The following SLC35A2 variants were observed in gnomAD, a reference collection of about 807,000 sequenced individuals.
The protein encoded by SLC35A2 is UDP-galactose translocator.
Under a neutral mutation model 17.3 loss-of-function variants are expected in SLC35A2, and 1 was observed. That is an observed-to-expected ratio of 0.06 (90% confidence interval 0.02 to 0.27). SLC35A2 has a LOEUF of 0.27. SLC35A2 is among the 10% of genes least tolerant of loss of function. The pLI is 1.00. For synonymous variants in SLC35A2, 161 were observed against 161.3 expected, an observed-to-expected ratio of 1.00 and a Z score of 0.01; for missense variants, 191 against 339.3, an observed-to-expected ratio of 0.56 and a Z score of 3.43.
chrX:48,911,604 C>T lies in SLC35A2; in HGVS notation c.33G>A (p.Ala11=). 1 of 1,164,448 alleles carries T rather than the reference C, an allele frequency of 8.6e-7. No individual in the cohort carries two copies. The highest frequency in any genetic ancestry group is 1.1e-6 in the Non-Finnish European group (1 of 874,798). Residue 11 remains alanine (A), a synonymous_variant, in exon 1 of 5, where the codon GCG becomes GCA. Coordinates refer to ENST00000247138, the MANE Select transcript of SLC35A2 (RefSeq NM_005660.3). MAAVGAGGST[A]APGPGAVSAG... ...CGGAAACCGCCCCTGGCCCGGGCGC[C>T]GCGGTGGAACCACCAGCCCCAACCG...
intron 2 of SLC35A2, among the ~76,000 whole-genome samples, chrX:48,908,549 C>G (rs1557043453): frequency 7.2e-5 from 8 of 111,762 alleles, no homozygotes. Flanking sequence ...TCTCCAAACT[C>G]GAATTCAGGG....
At chrX:48,908,098 C>A (rs1036960286) in intron 2 of SLC35A2, among the ~76,000 whole-genome samples, 18 of 85,574 alleles carry the variant, frequency 2.1e-4, no homozygotes, top group African/African-American at 7.2e-4. Flanking sequence ...CACTTTTTGG[C>A]AGTTCATCTT....
rs11797340 is a variant in SLC35A2 at position 48,909,218 on chromosome X, C to T, written c.274+596G>A. On this transcript the variant is annotated intron_variant, in intron 2 of 4. Coordinates refer to ENST00000247138, the MANE Select transcript of SLC35A2 (RefSeq NM_005660.3). ...TGGGCGGATCACGAGGTCAGGAGTT[C>T]GAGACCATCCTGGCTAACATGGTGA... 4.3e-3 allele frequency among the ~76,000 whole-genome samples: 482 copies of T among 112,228 alleles called. 3 individuals carry two copies. The highest frequency in any genetic ancestry group is 7.2e-3 in the Non-Finnish European group (381 of 53,218).
intron 4 of SLC35A2, 32 bp from the exon 5 acceptor site, chrX:48,903,497 C>T (rs1412299194): frequency 1.8e-6 from 1 of 570,603 alleles, no homozygotes; most frequent in Non-Finnish European, 3.2e-6. Context: ...AAGAAAAACA[C>T]AAAGCTGGGC....
chrX:48,911,852 T>C, upstream of SLC35A2: 1 of 1,167,430 alleles, frequency 8.6e-7, no homozygotes, highest in Non-Finnish European at 1.1e-6. Flanking sequence ...CCGATCGGCC[T>C]ACCCACCATC....
chrX:48,905,540 T>C, intron 3 of SLC35A2, 58 bp from the exon 4 acceptor site: 1 of 1,050,676 alleles, frequency 9.5e-7, no homozygotes, highest in Non-Finnish European at 1.3e-6. Context: ...CAGGTGCACA[T>C]GGGGGGCAGC....
chrX:48,906,383 G>C lies in SLC35A2; in HGVS notation c.426+9C>G. Reference sequence around the variant, plus strand: ...GTTCCTCTGGGGCCATGCTGGGCTTGGGGCTCACCTGGAAAGTGGCAGCTG... The same window carrying C: ...GTTCCTCTGGGGCCATGCTGGGCTTCGGGCTCACCTGGAAAGTGGCAGCTG... On this transcript the variant is annotated intron_variant, in intron 3 of 4. Transcript: ENST00000247138. The C allele has an allele frequency of 8.3e-7, 1 of 1,208,824 alleles. No individual in the cohort carries two copies. Among genetic ancestry groups the C allele is most frequent in the Non-Finnish European group, 1.1e-6 (1 of 893,284 alleles).
At chrX:48,909,683 T>C in intron 2 of SLC35A2, 131 bp downstream of exon 2, 1 of 570,485 alleles carries the variant, frequency 1.8e-6, no homozygotes, top group Non-Finnish European at 2.8e-6. Context: ...CCGCTACGCA[T>C]AGCTGGAGTG....
At chrX:48,908,207 C>T (rs2063505549) in intron 2 of SLC35A2, among the ~76,000 whole-genome samples, 1 of 105,883 alleles carries the variant, frequency 9.4e-6, no homozygotes, top group South Asian at 4.4e-4. Flanking sequence ...CCTCTGCCTC[C>T]CGGGTTCAAG....
At position 48,911,605 on chromosome X, in the gene SLC35A2, G is replaced by A; in HGVS notation, c.32C>T (p.Ala11Val). The A allele has an allele frequency of 8.6e-7, 1 of 1,164,415 alleles. No individual in the cohort carries two copies. The highest frequency in any genetic ancestry group is 1.1e-6 in the Non-Finnish European group (1 of 874,812). MAAVGAGGST[A>V]APGPGAVSAG... is the part of the protein sequence containing the mutation. ...GGAAACCGCCCCTGGCCCGGGCGCC[G>A]CGGTGGAACCACCAGCCCCAACCGC... Residue 11 changes from alanine to valine, a missense_variant, in exon 1 of 5, where the codon GCG (alanine) becomes GTG (valine). Physicochemically the swap from Ala to Val is moderately conservative, Grantham distance 64. Coordinates refer to ENST00000247138, the MANE Select transcript of SLC35A2 (RefSeq NM_005660.3).
In SLC35A2 at chrX:48,905,099, A is replaced by G. The variant is rs782704484; in HGVS notation, c.810T>C (p.Ala270=). ...TRGFFFGYTP[A]VWGVVLNQAF... Reference sequence around the variant, plus strand: ...CCTGGTTGAGCACCACGCCCCAGACAGCAGGTGTGTACCCAAAAAAGAAAC... The same window carrying G: ...CCTGGTTGAGCACCACGCCCCAGACGGCAGGTGTGTACCCAAAAAAGAAAC... Residue 270 remains alanine, a synonymous_variant, in exon 4 of 5, where the codon GCT becomes GCC. Coordinates refer to ENST00000247138, the MANE Select transcript of SLC35A2 (RefSeq NM_005660.3). 4 of 1,211,304 alleles carry G rather than the reference A, an allele frequency of 3.3e-6. No individual in the cohort carries two copies. The highest frequency in any genetic ancestry group is 3.4e-6 in the Non-Finnish European group (3 of 895,161).
At chrX:48,910,181 G>A (rs1312948498) in intron 1 of SLC35A2, 185 bp from the exon 2 acceptor site, 8 of 965,209 alleles carry the variant, frequency 8.3e-6, no homozygotes, top group Admixed American at 2.6e-5. Flanking sequence ...CCTCAGCCAT[G>A]AGCAGGAAGA....
chrX:48,903,711 A>G, intron 4 of SLC35A2: 1 of 1,009,326 alleles, frequency 9.9e-7, no homozygotes, highest in Non-Finnish European at 1.3e-6. Context: ...AAATTAATCA[A>G]AAATAAAGAT....
intron 2 of SLC35A2, among the ~76,000 whole-genome samples, chrX:48,908,037 A>G (rs2063503925): frequency 9.2e-6 from 1 of 108,741 alleles, no homozygotes; most frequent in Non-Finnish European, 1.9e-5. Flanking sequence ...CAAACAAACA[A>G]AAAACATGAG....
intron 1 of SLC35A2, 171 bp downstream of exon 1, chrX:48,911,375 T>G: frequency 3.3e-6 from 2 of 605,864 alleles, no homozygotes; most frequent in Non-Finnish European, 5.3e-6. Context: ...CCACAATCAC[T>G]CTCAGAATGT....
chrX:48,909,911 C>A lies in SLC35A2; in HGVS notation c.177G>T (p.Thr59=). 8.3e-7 allele frequency: 1 copy of A among 1,210,060 alleles called. No individual in the cohort carries two copies. Among genetic ancestry groups the A allele is most frequent in the Non-Finnish European group, 1.1e-6 (1 of 894,500 alleles). The change falls in exon 2 of 5, where the codon ACG becomes ACT. Residue 59 remains threonine (T), a synonymous_variant. Coordinates refer to ENST00000247138, the MANE Select transcript of SLC35A2 (RefSeq NM_005660.3). ...SLILSIRYAR[T]LPGDRFFATT... ...TGGCAAAGAAGCGGTCCCCTGGCAA[C>A]GTGCGGGCGTAGCGGATGCTGAGGA...
upstream of SLC35A2, chrX:48,911,913 C>T: frequency 8.6e-7 from 1 of 1,167,669 alleles, no homozygotes; most frequent in Non-Finnish European, 1.1e-6. Flanking sequence ...CCTTATCCTG[C>T]CGTTCGTCCG....
At chrX:48,906,616 G>T (rs1442930582) in intron 2 of SLC35A2, 73 bp from the exon 3 acceptor site, 1 of 1,019,321 alleles carries the variant, frequency 9.8e-7, no homozygotes, top group Non-Finnish European at 1.4e-6. Context: ...CTGGGAACAG[G>T]CCTTGCTCCT....
chrX:48,911,601 C>T lies in SLC35A2; in HGVS notation c.36G>A (p.Ala12=). Residue 12 remains alanine, a synonymous_variant, in exon 1 of 5, where the codon GCG becomes GCA. Coordinates refer to ENST00000247138, the MANE Select transcript of SLC35A2 (RefSeq NM_005660.3). Reference sequence around the variant, plus strand: ...CCGCGGAAACCGCCCCTGGCCCGGGCGCCGCGGTGGAACCACCAGCCCCAA... The same window carrying T: ...CCGCGGAAACCGCCCCTGGCCCGGGTGCCGCGGTGGAACCACCAGCCCCAA... The part of the protein sequence containing the change: ...AAVGAGGSTA[A]PGPGAVSAGA... 8.6e-7 allele frequency: 1 copy of T among 1,164,648 alleles called. No individual in the cohort carries two copies. The highest frequency in any genetic ancestry group is 1.9e-5 in the South Asian group (1 of 52,964).
Sources: allele counts gnomAD v4.1 joint callset (sites outside exome capture counted in the v4.1 genomes callset), GRCh38; gene constraint gnomAD v4.1.1; transcripts MANE v1.5; gene names NCBI Gene and HGNC (gene_info 2026-07-23, HGNC 2026-07-21).